Variants in APOL5 observed in about 807,000 individuals in gnomAD.
APOL5 encodes the protein apolipoprotein L5.
A neutral mutation model predicts 35.5 loss-of-function variants in APOL5; 29 were observed. The ratio of observed to expected loss-of-function variants is 0.82; its 90% confidence interval spans 0.61 to 1.11. The LOEUF is 1.11. Ranked by LOEUF, APOL5 falls within the 50% of genes most tolerant of loss-of-function variation. The pLI is 0.00. For missense variants in APOL5, 514 were observed against 530.4 expected, an observed-to-expected ratio of 0.97 and a Z score of 0.30; for synonymous variants, 188 against 200.2, an observed-to-expected ratio of 0.94 and a Z score of 0.51.
the APOL5 span, among the ~76,000 whole-genome samples, chr22:35,709,343 T>A: frequency 6.6e-6 from 1 of 151,012 alleles, no homozygotes; most frequent in African/African-American, 2.4e-5. Flanking sequence ...AAAATCATAC[T>A]AAGGTATAAA....
chr22:35,723,218 C>T (rs748569039), intron 2 of APOL5, among the ~76,000 whole-genome samples: 14 of 152,132 alleles, frequency 9.2e-5, no homozygotes, highest in Non-Finnish European at 1.6e-4. Context: ...GCATCCTTTC[C>T]CATAGATCCT....
chr22:35,718,607 A>G lies in APOL5; in HGVS notation c.55+681A>G, dbSNP rs1305460137. Reference sequence around the variant, plus strand: ...AGACCCCGTCTCAAAAAAAAAAAAAAAAAAAAAAAAGACGCCAAAGTGCCA... The same window carrying G: ...AGACCCCGTCTCAAAAAAAAAAAAAGAAAAAAAAAAGACGCCAAAGTGCCA... On this transcript the variant is annotated intron_variant, in intron 1 of 4. Coordinates refer to ENST00000249044, the MANE Select transcript of APOL5 (RefSeq NM_030642.1). Among the ~76,000 whole-genome samples the G allele has an allele frequency of 3.3e-5, 5 of 151,820 alleles. No homozygotes were observed. The East Asian group carries it at 7.7e-4, about 23-fold the overall frequency.
rs749434369 is a variant in APOL5, at chr22:35,726,774, G to A, written c.706G>A (p.Ala236Thr). 23 of 1,614,214 alleles carry A rather than the reference G, an allele frequency of 1.4e-5. No individual in the cohort carries two copies. Among genetic ancestry groups the A allele is most frequent in the African/African-American group, 2.7e-5 (2 of 75,048 alleles). ...CTTTTGTGTTAATAAGTGTGTAAAA[G>A]CTATCCAGGGCATCAAGGATCTTCA... The part of the protein sequence containing the change: ...AGFCVNKCVK[A>T]IQGIKDLHAY... The change falls in exon 3 of 5, where the codon GCT becomes ACT. Residue 236 changes from alanine (A) to threonine (T), a missense_variant. Coordinates refer to ENST00000249044, the MANE Select transcript of APOL5 (RefSeq NM_030642.1).
upstream of APOL5, among the ~76,000 whole-genome samples, chr22:35,715,515 G>A (rs1175850566): frequency 6.6e-6 from 1 of 152,050 alleles, no homozygotes; most frequent in African/African-American, 2.4e-5. Flanking sequence ...GCGTGGTGGT[G>A]CACACCTATA....
At chr22:35,716,356 T>C (rs1926743644), upstream of APOL5, among the ~76,000 whole-genome samples, 1 of 152,232 alleles carries the variant, frequency 6.6e-6, no homozygotes, top group Admixed American at 6.5e-5. Context: ...CACTGCAACC[T>C]CCGCCTCCCG....
intron 2 of APOL5, among the ~76,000 whole-genome samples, chr22:35,721,275 G>T (rs75667251): frequency 0.04 from 6,136 of 152,262 alleles, 152 homozygotes; most frequent in Middle Eastern, 0.086. Context: ...AGGCACGGTG[G>T]CTCACGCTTG....
At chr22:35,724,678 G>A (rs1038681440) in intron 2 of APOL5, among the ~76,000 whole-genome samples, 3 of 151,874 alleles carry the variant, frequency 2.0e-5, no homozygotes, top group Non-Finnish European at 2.9e-5. Context: ...GCGCGATCTC[G>A]GCTCACTGCA....
chr22:35,719,445 A>G (rs1926879547), intron 1 of APOL5, among the ~76,000 whole-genome samples: 1 of 152,208 alleles, frequency 6.6e-6, no homozygotes, highest in South Asian at 2.1e-4. Flanking sequence ...TCTCAGGGCT[A>G]TAGATGATAG....
intron 2 of APOL5, among the ~76,000 whole-genome samples, chr22:35,721,843 G>A (rs1339622926): frequency 3.9e-5 from 6 of 152,126 alleles, no homozygotes; most frequent in Admixed American, 3.9e-4. Context: ...GCCTAACAGA[G>A]GTTGCACTTA....
At chr22:35,728,653 G>T in intron 3 of APOL5, 70 bp from the exon 4 acceptor site, 1 of 1,533,242 alleles carries the variant, frequency 6.5e-7, no homozygotes, top group Non-Finnish European at 8.8e-7. Context: ...GGACATATTT[G>T]AGCTTCTGAA....
chr22:35,717,255 T>TATATATA (rs1167745529), upstream of APOL5, among the ~76,000 whole-genome samples: 2 of 123,158 alleles, frequency 1.6e-5, no homozygotes, highest in Non-Finnish European at 3.5e-5. Flanking sequence ...TATATATATA[T>TATATATA]TAGCTGGGTG....
At position 35,726,248 on chromosome 22, in the gene APOL5, C is replaced by T. The variant is rs1436985591; in HGVS notation, c.180C>T (p.Asn60=). The stretch of plus-strand genomic sequence containing the variant: ...ACCTGTGCCAGAGTTGGAAAATTAA[C>T]AATTTGATGTCAACTGTCCACAGTG... The part of the protein sequence containing the change: ...LVNLCQSWKI[N]NLMSTVHSDE... Residue 60 remains asparagine (N), a synonymous_variant, in exon 3 of 5, where the codon AAC becomes AAT. Coordinates refer to ENST00000249044, the MANE Select transcript of APOL5 (RefSeq NM_030642.1). The T allele has an allele frequency of 1.2e-6, 2 of 1,611,940 alleles. No homozygotes were observed. The highest frequency in any genetic ancestry group is 1.1e-5 in the South Asian group (1 of 91,054).
the APOL5 span, among the ~76,000 whole-genome samples, chr22:35,710,219 C>A: frequency 6.8e-6 from 1 of 146,760 alleles, no homozygotes; most frequent in Non-Finnish European, 1.5e-5. Flanking sequence ...ACATCCCAGG[C>A]TCTCAAACGA....
intron 3 of APOL5, among the ~76,000 whole-genome samples, chr22:35,728,335 T>C (rs1055859476): frequency 7.9e-5 from 12 of 152,354 alleles, no homozygotes; most frequent in Non-Finnish European, 1.2e-4. Context: ...GCCATTCTCC[T>C]GCCTCAATCC....
chr22:35,711,765 T>G, the APOL5 span, among the ~76,000 whole-genome samples: 1 of 151,652 alleles, frequency 6.6e-6, no homozygotes, highest in Non-Finnish European at 1.5e-5. Context: ...AACCTTTGTC[T>G]CCCAGGTTCA....
At chr22:35,727,352 G>C (rs1000459653) in intron 3 of APOL5, among the ~76,000 whole-genome samples, 158 bp downstream of exon 3, 7 of 152,180 alleles carry the variant, frequency 4.6e-5, no homozygotes, top group African/African-American at 1.7e-4. Context: ...CATTAACTAG[G>C]CGCCCTCTGT....
intron 2 of APOL5, among the ~76,000 whole-genome samples, chr22:35,722,937 T>C (rs1927024455): frequency 6.6e-6 from 1 of 152,006 alleles, no homozygotes; most frequent in African/African-American, 2.4e-5. Context: ...AAAACTTAGG[T>C]TGGAGAGGGG....
intron 4 of APOL5, 41 bp downstream of exon 4, chr22:35,728,945 T>TGACAGTGAA (rs1927274637): frequency 6.5e-7 from 1 of 1,532,334 alleles, no homozygotes; most frequent in Non-Finnish European, 8.8e-7. Flanking sequence ...TGGGAACCCC[T>TGACAGTGAA]GACAGTGAAG....
the APOL5 span, among the ~76,000 whole-genome samples, chr22:35,709,493 C>T: frequency 2.6e-5 from 4 of 152,168 alleles, no homozygotes; most frequent in African/African-American, 9.7e-5. Context: ...CTTGGTCGCT[C>T]AAGAAATTCC....
Sources: gnomAD v4.1 joint callset for allele counts (sites outside exome capture counted in the v4.1 genomes callset) on GRCh38, gnomAD v4.1.1 for gene constraint, MANE v1.5 for transcripts, NCBI Gene and HGNC (gene_info 2026-07-23, HGNC 2026-07-21) for gene names.